The following SH3GL1 variants were observed in gnomAD, a reference collection of about 807,000 sequenced individuals.
SH3GL1 encodes SH3 domain containing GRB2 like 1, endophilin A2, also known as endophilin-A2.
A neutral mutation model predicts 48.8 loss-of-function variants in SH3GL1; 21 were observed. That is an observed-to-expected ratio of 0.43 (90% CI 0.30 to 0.62). The LOEUF (loss-of-function observed/expected upper bound fraction) is 0.62, where lower values mean the gene tolerates loss of function less well. Ranked by LOEUF, SH3GL1 falls within the 20% of genes least tolerant of loss-of-function variation. The pLI is 0.11. For synonymous variants in SH3GL1, 282 were observed against 217.5 expected, an observed-to-expected ratio of 1.30 and a Z score of -2.61; for missense variants, 454 against 503.0, an observed-to-expected ratio of 0.90 and a Z score of 0.93.
Position 4,363,987 on chromosome 19 carries a change from C to A in SH3GL1, c.465+101G>T, listed in dbSNP as rs1032833053. The A allele has an allele frequency of 1.9e-6, 3 of 1,604,286 alleles. No homozygotes were observed. In the East Asian group the frequency reaches 6.7e-5, roughly 36 times the overall value. On this transcript the variant is annotated intron_variant, in intron 5 of 9. Coordinates refer to ENST00000269886, the MANE Select transcript of SH3GL1 (RefSeq NM_003025.4). ...ACTGGGGATCCTGCCTGCCTGAGACCCAGAGGGCAGTGCCGAGGCTGGAGG... is the reference window on the plus strand; with the variant it reads ...ACTGGGGATCCTGCCTGCCTGAGACACAGAGGGCAGTGCCGAGGCTGGAGG...
At chr19:4,368,595 C>T (rs1384472589) in intron 1 of SH3GL1, among the ~76,000 whole-genome samples, 2 of 152,226 alleles carry the variant, frequency 1.3e-5, no homozygotes, top group African/African-American at 4.8e-5. Context: ...GCTCTGGAAG[C>T]CCCCACACCA....
chr19:4,371,164 G>A (rs1972892724), intron 1 of SH3GL1, among the ~76,000 whole-genome samples: 2 of 152,258 alleles, frequency 1.3e-5, no homozygotes, highest in South Asian at 2.1e-4. Context: ...ATTCATTAGA[G>A]TTTAGACCTT....
chr19:4,364,916 A>ATATTTTTTTT (rs1450528018), intron 4 of SH3GL1, among the ~76,000 whole-genome samples: 33 of 116,206 alleles, frequency 2.8e-4, no homozygotes, highest in African/African-American at 1.2e-3. Context: ...ATATATATAT[A>ATATTTTTTTT]TTTTTTTTTT....
At chr19:4,364,407 C>T in intron 4 of SH3GL1, 186 bp from the exon 5 acceptor site, 1 of 662,008 alleles carries the variant, frequency 1.5e-6, no homozygotes, top group Non-Finnish European at 2.6e-6. Flanking sequence ...GTAGCCGGGA[C>T]CACAGGCGTT....
chr19:4,370,713 G>A (rs900787901), intron 1 of SH3GL1, among the ~76,000 whole-genome samples: 2 of 152,258 alleles, frequency 1.3e-5, no homozygotes, highest in African/African-American at 2.4e-5. Flanking sequence ...TTCAGATGCC[G>A]GCTGGCCTCC....
chr19:4,386,408 C>T (rs1027135029), intron 1 of SH3GL1, among the ~76,000 whole-genome samples: 8 of 151,690 alleles, frequency 5.3e-5, no homozygotes, highest in Non-Finnish European at 7.4e-5. Flanking sequence ...GCTTCCAGCA[C>T]GCAGGGCTGG....
At chr19:4,387,848 G>A (rs183121714) in intron 1 of SH3GL1, among the ~76,000 whole-genome samples, 33 of 151,848 alleles carry the variant, frequency 2.2e-4, no homozygotes, top group Non-Finnish European at 4.0e-4. Flanking sequence ...TACGCCCGAC[G>A]AATTTTGTTT....
intron 1 of SH3GL1, among the ~76,000 whole-genome samples, chr19:4,392,927 C>T (rs1219018690): frequency 6.6e-6 from 1 of 151,892 alleles, no homozygotes. Flanking sequence ...GGAGTGGGGA[C>T]AGAACAAGAC....
intron 1 of SH3GL1, among the ~76,000 whole-genome samples, chr19:4,395,021 C>T (rs558985387): frequency 3.7e-4 from 56 of 152,402 alleles, no homozygotes; most frequent in African/African-American, 1.1e-3. Flanking sequence ...TGGGCGCGTG[C>T]CCCTCCTTCA....
chr19:4,398,018 T>C (rs1443445566), intron 1 of SH3GL1, among the ~76,000 whole-genome samples: 3 of 152,086 alleles, frequency 2.0e-5, no homozygotes, highest in Admixed American at 1.3e-4. Flanking sequence ...GGCTAACTTT[T>C]TCATATTTTG....
intron 1 of SH3GL1, among the ~76,000 whole-genome samples, chr19:4,378,775 A>G (rs535488683): frequency 1.8e-4 from 28 of 152,324 alleles, no homozygotes; most frequent in Non-Finnish European, 1.0e-4. Flanking sequence ...GCTACTGTGC[A>G]CTGAGCAACT....
At chr19:4,380,312 C>T (rs1292675349) in intron 1 of SH3GL1, 2 of 152,462 alleles carry the variant, frequency 1.3e-5, no homozygotes, top group Non-Finnish European at 2.9e-5. Flanking sequence ...GACACGTAAC[C>T]CAGGCTCGCA....
At chr19:4,363,291 G>T in intron 7 of SH3GL1, 79 bp downstream of exon 7, 2 of 1,080,430 alleles carry the variant, frequency 1.9e-6, no homozygotes, top group Non-Finnish European at 2.8e-6. Context: ...TCACCCCACA[G>T]CGAGGTGTGC....
chr19:4,362,799 T>C (rs1179829629), intron 7 of SH3GL1, 63 bp from the exon 8 acceptor site: 1 of 1,608,796 alleles, frequency 6.2e-7, no homozygotes, highest in Non-Finnish European at 8.5e-7. Context: ...CCCACTCTTG[T>C]ATTTATGCTG....
In SH3GL1 at chr19:4,376,977, C is replaced by T. The variant is rs1344039002; in HGVS notation, c.46-9983G>A. 2.6e-5 allele frequency among the ~76,000 whole-genome samples: 4 copies of T among 152,334 alleles called. No homozygotes were observed. In the East Asian group the frequency reaches 5.8e-4, roughly 22 times the overall value. On this transcript the variant is annotated intron_variant, in intron 1 of 9. Coordinates refer to ENST00000269886, the MANE Select transcript of SH3GL1 (RefSeq NM_003025.4). The surrounding 1 kb of genome is among the most constrained non-coding windows in gnomAD (Gnocchi z 4.3). ...GGGGCAGCAACTCCCCGCAGTGACC[C>T]GGAAGGCAGCCAGATGATACTCCTC...
intron 1 of SH3GL1, among the ~76,000 whole-genome samples, chr19:4,370,093 G>T (rs1013762212): frequency 6.6e-6 from 1 of 152,260 alleles, no homozygotes; most frequent in Non-Finnish European, 1.5e-5. Context: ...GGGCGCCACG[G>T]GGAGGCTCAC....
rs1568406930 is a variant in SH3GL1 at position 4,363,567 on chromosome 19, TGAGAGGGGA to T, written c.625-103_625-95del. 5 of 1,454,688 alleles carry T rather than the reference TGAGAGGGGA, an allele frequency of 3.4e-6. No individual in the cohort carries two copies. In the African/African-American group the frequency reaches 4.2e-5, roughly 12 times the overall value. The allele number at this position is 1,454,688 out of a possible 1,614,324, so 90.1% of individuals were successfully genotyped here. A position where few individuals can be genotyped will look rare whatever the true frequency, so the allele number is the denominator to read the frequency against. On this transcript the variant is annotated intron_variant, in intron 6 of 9. Transcript: ENST00000269886. ...GTGAAGCCACAGGAGGCAAGGGGGCTGAGAGGGGACAGGGGACTGGGGCCCATACCCTCC... is the reference window on the plus strand; with the variant it reads ...GTGAAGCCACAGGAGGCAAGGGGGCTCAGGGGACTGGGGCCCATACCCTCC...
chr19:4,362,816 A>G, intron 7 of SH3GL1, 80 bp from the exon 8 acceptor site: 1 of 1,601,980 alleles, frequency 6.2e-7, no homozygotes, highest in Non-Finnish European at 8.5e-7. Context: ...GCTGCTGCCT[A>G]ATGACCTGGC....
At chr19:4,368,861 G>A (rs965607115) in intron 1 of SH3GL1, among the ~76,000 whole-genome samples, 8 of 152,272 alleles carry the variant, frequency 5.3e-5, no homozygotes, top group African/African-American at 1.9e-4. Flanking sequence ...CATGAGGTCA[G>A]GAGATCGAGA....
Sources: gnomAD v4.1 joint callset for allele counts (sites outside exome capture counted in the v4.1 genomes callset) on GRCh38, gnomAD v4.1.1 for gene constraint, Gnocchi (gnomAD v3.1) non-coding constraint, MANE v1.5 for transcripts, NCBI Gene and HGNC (gene_info 2026-07-23, HGNC 2026-07-21) for gene names.